The following GRID2 variants were observed in gnomAD, a reference collection of about 807,000 sequenced individuals.
GRID2 encodes the protein glutamate receptor ionotropic, delta-2.
GRID2 carries 33 observed loss-of-function variants against 114.8 expected under a neutral mutation model. The observed-to-expected ratio is 0.29, with a 90% CI of 0.22 to 0.38. GRID2 has a LOEUF of 0.38. Ranked by LOEUF, GRID2 falls within the 10% of genes least tolerant of loss-of-function variation. The pLI, the probability that GRID2 is intolerant of heterozygous loss-of-function variation, is 1.00. For synonymous variants in GRID2, 505 were observed against 449.9 expected (o/e 1.12, Z -1.55); for missense variants, 1,184 against 1,257.7 (o/e 0.94, Z 0.89).
rs541656926 is a variant in GRID2 at position 93,023,305 on chromosome 4, GA to G, written c.245-61682del. 4.5e-3 allele frequency among the ~76,000 whole-genome samples: 686 copies of G among 151,316 alleles called. 4 individuals are homozygous for G. Among genetic ancestry groups the G allele is most frequent in the African/African-American group, 0.016 (657 of 41,340 alleles). On this transcript the variant is annotated intron_variant, in intron 2 of 15. Coordinates refer to ENST00000282020, the MANE Select transcript of GRID2 (RefSeq NM_001510.4). Reference sequence around the variant, plus strand: ...CTCTAGATGTTAATAATTATTCCAAGAAAAAAAATCTGTAGTGAAATATTTC... The same window carrying G: ...CTCTAGATGTTAATAATTATTCCAAGAAAAAAATCTGTAGTGAAATATTTC...
chr4:93,592,994 G>T (rs1332444090), intron 13 of GRID2, among the ~76,000 whole-genome samples: 4 of 151,386 alleles, frequency 2.6e-5, no homozygotes, highest in Non-Finnish European at 5.9e-5. Flanking sequence ...ACACTGATGG[G>T]TCTTGACTCT....
At chr4:93,079,375 T>G (rs188539945) in intron 2 of GRID2, among the ~76,000 whole-genome samples, 23 of 152,046 alleles carry the variant, frequency 1.5e-4, no homozygotes, top group Non-Finnish European at 3.2e-4. Context: ...AGAATACTAT[T>G]AGGGATTCTT....
At chr4:92,639,382 T>G (rs1182726884) in intron 2 of GRID2, among the ~76,000 whole-genome samples, 5 of 151,800 alleles carry the variant, frequency 3.3e-5, no homozygotes, top group East Asian at 1.9e-4. Flanking sequence ...GAAGATTAAT[T>G]GACTTAGTTT....
chr4:92,464,481 G>A (rs1265543511), intron 1 of GRID2, among the ~76,000 whole-genome samples: 1 of 151,996 alleles, frequency 6.6e-6, no homozygotes, highest in Non-Finnish European at 1.5e-5. Context: ...GAGTAGACTG[G>A]AAGTATTAGG....
At chr4:93,304,257 AAT>A (rs10557964) in intron 8 of GRID2, among the ~76,000 whole-genome samples, 91,553 of 142,770 alleles carry the variant, frequency 0.64, 29,356 homozygotes, top group Middle Eastern at 0.77. Flanking sequence ...TAATATTTTA[AAT>A]ATATATATAT....
intron 2 of GRID2, among the ~76,000 whole-genome samples, chr4:92,750,316 A>AG (rs1299654423): frequency 6.6e-6 from 1 of 152,218 alleles, no homozygotes; most frequent in Non-Finnish European, 1.5e-5. Context: ...CCTGCCATAG[A>AG]GGGAAAATCT....
intron 1 of GRID2, among the ~76,000 whole-genome samples, chr4:92,557,163 A>T (rs1216982711): frequency 6.6e-6 from 1 of 152,120 alleles, no homozygotes; most frequent in African/African-American, 2.4e-5. Context: ...GCAGTAAAAG[A>T]TTAAAATATT....
chr4:93,316,283 C>CGAAAGAAA (rs1382874932), intron 8 of GRID2, among the ~76,000 whole-genome samples: 19 of 97,726 alleles, frequency 1.9e-4, no homozygotes, highest in East Asian at 9.4e-4. Flanking sequence ...AAGAAAAGAA[C>CGAAAGAAA]GAAAGAACGA....
At chr4:92,329,708 C>T (rs1461598927) in intron 1 of GRID2, among the ~76,000 whole-genome samples, 1 of 151,908 alleles carries the variant, frequency 6.6e-6, no homozygotes, top group Non-Finnish European at 1.5e-5. Context: ...AAAATCTTGT[C>T]TTCCTGCAGC....
chr4:92,949,396 G>T (rs1337910537), intron 2 of GRID2, among the ~76,000 whole-genome samples: 5 of 151,876 alleles, frequency 3.3e-5, no homozygotes, highest in Non-Finnish European at 7.4e-5. Flanking sequence ...GTGCCATGTT[G>T]GTGTGCTGCA....
chr4:92,418,274 G>A (rs1731719717), intron 1 of GRID2, among the ~76,000 whole-genome samples: 1 of 152,068 alleles, frequency 6.6e-6, no homozygotes, highest in South Asian at 2.1e-4. Flanking sequence ...CAGTGAGCTG[G>A]GAGATGGCCA....
At chr4:92,434,773 TATAG>T (rs977158094) in intron 1 of GRID2, among the ~76,000 whole-genome samples, 2 of 152,096 alleles carry the variant, frequency 1.3e-5, no homozygotes, top group African/African-American at 4.8e-5. Flanking sequence ...TAATATAATA[TATAG>T]ATAGATAGAT....
At chr4:93,493,718 T>C (rs1727253570) in intron 12 of GRID2, among the ~76,000 whole-genome samples, 1 of 151,716 alleles carries the variant, frequency 6.6e-6, no homozygotes, top group Non-Finnish European at 1.5e-5. Flanking sequence ...AGGAGAAGCC[T>C]GTCTCAAATT....
chr4:92,676,853 C>A (rs1224856423), intron 2 of GRID2, among the ~76,000 whole-genome samples: 3 of 152,042 alleles, frequency 2.0e-5, no homozygotes, highest in Non-Finnish European at 4.4e-5. Context: ...TCTCAATAAC[C>A]AAAAGGTGGA....
intron 8 of GRID2, among the ~76,000 whole-genome samples, chr4:93,245,372 T>A (rs1015290115): frequency 9.8e-5 from 15 of 152,288 alleles, no homozygotes; most frequent in African/African-American, 3.6e-4. Context: ...TTAGTGGGTG[T>A]TACACTCTTT....
At chr4:93,406,025 A>T (rs1579975097) in intron 9 of GRID2, among the ~76,000 whole-genome samples, 1 of 152,076 alleles carries the variant, frequency 6.6e-6, no homozygotes, top group Non-Finnish European at 1.5e-5. Flanking sequence ...AAGATTATTA[A>T]TTTTTTTCAT....
At chr4:93,752,340 A>G (rs903256193) in intron 14 of GRID2, among the ~76,000 whole-genome samples, 1 of 150,290 alleles carries the variant, frequency 6.7e-6, no homozygotes, top group African/African-American at 2.4e-5. Flanking sequence ...ACGTTTTCCT[A>G]ACTAATACTC....
chr4:92,384,150 T>C (rs1297631021), intron 1 of GRID2, among the ~76,000 whole-genome samples: 1 of 151,254 alleles, frequency 6.6e-6, no homozygotes, highest in African/African-American at 2.4e-5. Flanking sequence ...TGTGGGTGTG[T>C]GTGTGTCTGC....
intron 13 of GRID2, among the ~76,000 whole-genome samples, chr4:93,536,778 A>G (rs949907344): frequency 6.6e-6 from 1 of 151,774 alleles, no homozygotes; most frequent in African/African-American, 2.4e-5. Context: ...TAATAAATCA[A>G]ATAAATAAGG....
Sources: allele counts gnomAD v4.1 joint callset (sites outside exome capture counted in the v4.1 genomes callset), GRCh38; gene constraint gnomAD v4.1.1; transcripts MANE v1.5; gene names NCBI Gene and HGNC (gene_info 2026-07-23, HGNC 2026-07-21).